The following ASTN2 variants were observed in gnomAD, a reference collection of about 807,000 sequenced individuals.
The protein encoded by ASTN2 is astrotactin 2.
In ASTN2, 54 loss-of-function variants were observed where a neutral mutation model predicts 139.8. That is an observed-to-expected ratio of 0.39 (90% CI 0.31 to 0.48). The LOEUF (loss-of-function observed/expected upper bound fraction) is 0.48, where lower values mean the gene tolerates loss of function less well. Among genes scored for constraint, ASTN2 ranks in the 20% least tolerant of loss-of-function variants. ASTN2 has a pLI of 0.95. For synonymous variants in ASTN2, 756 were observed against 719.5 expected (o/e 1.05, Z -0.81); for missense variants, 1,565 against 1,725.1 (o/e 0.91, Z 1.64).
At chr9:117,322,946 A>G (rs1828380926) in intron 1 of ASTN2, among the ~76,000 whole-genome samples, 1 of 152,186 alleles carries the variant, frequency 6.6e-6, no homozygotes, top group African/African-American at 2.4e-5. Flanking sequence ...CGGGGCTGAA[A>G]TAAGAACAAT....
chr9:117,193,650 A>AAG (rs1554789070), intron 3 of ASTN2, among the ~76,000 whole-genome samples: 1 of 151,528 alleles, frequency 6.6e-6, no homozygotes, highest in Non-Finnish European at 1.5e-5. Context: ...AAAAAAAAAA[A>AAG]AAAAAAGAAA....
In ASTN2 at chr9:116,699,752, C is replaced by A; in HGVS notation, c.2806+26019G>T. Reference sequence around the variant, plus strand: ...TTCTGCTCCCAAGCCAACTTCCCTTCCCTTAGTTCTTGGTTGTTAGTGGCA... The same window carrying A: ...TTCTGCTCCCAAGCCAACTTCCCTTACCTTAGTTCTTGGTTGTTAGTGGCA... On this transcript the variant is annotated intron_variant, in intron 16 of 22. Coordinates refer to ENST00000313400, the MANE Select transcript of ASTN2 (RefSeq NM_001365068.1). This position sits in a 1 kb window ranked among gnomAD's most constrained non-coding sequence, Gnocchi z 4.2. 1 of 1,613,590 alleles carries A rather than the reference C, an allele frequency of 6.2e-7. No homozygotes were observed. The highest frequency in any genetic ancestry group is 1.1e-5 in the South Asian group (1 of 90,990).
intron 10 of ASTN2, among the ~76,000 whole-genome samples, chr9:116,966,837 AAC>A (rs1836024882): frequency 6.6e-6 from 1 of 152,174 alleles, no homozygotes; most frequent in Non-Finnish European, 1.5e-5. Flanking sequence ...TTGCATAAAG[AAC>A]ACACACACTT....
intron 3 of ASTN2, among the ~76,000 whole-genome samples, chr9:117,184,741 A>C (rs966564847): frequency 2.0e-5 from 3 of 152,108 alleles, no homozygotes; most frequent in Admixed American, 6.5e-5. Context: ...GCTTCCACTG[A>C]TTTTAATGTA....
At chr9:117,035,219 C>T (rs1004548096) in intron 6 of ASTN2, among the ~76,000 whole-genome samples, 3 of 152,142 alleles carry the variant, frequency 2.0e-5, no homozygotes, top group Non-Finnish European at 2.9e-5. Flanking sequence ...TTGCACTTGA[C>T]ATGAGCTGCC....
intron 6 of ASTN2, among the ~76,000 whole-genome samples, chr9:117,018,218 T>C (rs1192937586): frequency 6.6e-6 from 1 of 152,096 alleles, no homozygotes; most frequent in Admixed American, 6.6e-5. Context: ...GCTGAGTAAA[T>C]TAACAAATGA....
chr9:117,010,278 A>G (rs1837481692), intron 6 of ASTN2, among the ~76,000 whole-genome samples: 2 of 152,190 alleles, frequency 1.3e-5, no homozygotes, highest in Admixed American at 6.5e-5. Context: ...AAGCCCAAGC[A>G]GAAACATGTC....
At chr9:116,497,746 G>A (rs1336462624) in intron 19 of ASTN2, among the ~76,000 whole-genome samples, 1 of 152,066 alleles carries the variant, frequency 6.6e-6, no homozygotes, top group African/African-American at 2.4e-5. Flanking sequence ...GATGAAGGAA[G>A]GCCAAGTTCT....
In ASTN2 at chr9:116,698,052, G is replaced by A; in HGVS notation, c.2806+27719C>T. 1 of 1,613,986 alleles carries A rather than the reference G, an allele frequency of 6.2e-7. No homozygotes were observed. The highest frequency in any genetic ancestry group is 8.5e-7 in the Non-Finnish European group (1 of 1,180,032). On this transcript the variant is annotated intron_variant, in intron 16 of 22. Coordinates refer to ENST00000313400, the MANE Select transcript of ASTN2 (RefSeq NM_001365068.1). This position sits in a 1 kb window ranked among gnomAD's most constrained non-coding sequence, Gnocchi z 4.4. ...GGGGCTGCTCATGTGTCGGTCCTGT[G>A]GGCGGCGTCTGCCCCGGCAATTCTG...
chr9:117,113,065 A>C (rs1357624705), intron 4 of ASTN2, among the ~76,000 whole-genome samples: 19 of 152,202 alleles, frequency 1.2e-4, no homozygotes, highest in Non-Finnish European at 1.0e-4. Context: ...AGAATGGCTA[A>C]ATTTTAAAAA....
rs1362977286 is a variant in ASTN2 at position 116,700,636 on chromosome 9, G to T, written c.2806+25135C>A. On this transcript the variant is annotated intron_variant, in intron 16 of 22. Transcript: ENST00000313400. ...TTCATGTTCATTACTAAAACAAACA[G>T]CAAAACTATTGGTTTGTTATTCTGT... 3 of 166,962 alleles carry T rather than the reference G, an allele frequency of 1.8e-5. No individual in the cohort carries two copies. The Admixed American group carries it at 2.0e-4, about 11-fold the overall frequency. The allele number at this position is 166,962 out of a possible 1,614,324, so 10.3% of individuals were successfully genotyped here.
chr9:117,189,079 T>C (rs1311386557), intron 3 of ASTN2, among the ~76,000 whole-genome samples: 1 of 152,040 alleles, frequency 6.6e-6, no homozygotes, highest in African/African-American at 2.4e-5. Context: ...ACCTCCCAGA[T>C]AGGAGACTCC....
intron 3 of ASTN2, among the ~76,000 whole-genome samples, chr9:117,172,392 C>A (rs1297288224): frequency 6.6e-6 from 1 of 152,040 alleles, no homozygotes. Flanking sequence ...ATATGTTGGT[C>A]TGGGTGGTGG....
chr9:116,810,521 A>C (rs538552333), intron 12 of ASTN2, among the ~76,000 whole-genome samples: 1 of 152,322 alleles, frequency 6.6e-6, no homozygotes, highest in South Asian at 2.1e-4. Context: ...AAATAGGATC[A>C]GTTTTTCATT....
chr9:116,842,631 A>C (rs1832295788), intron 11 of ASTN2, among the ~76,000 whole-genome samples: 1 of 151,928 alleles, frequency 6.6e-6, no homozygotes, highest in African/African-American at 2.4e-5. Flanking sequence ...GATTTGGATC[A>C]ATCAAGATCC....
At chr9:117,146,214 C>G (rs548944187) in intron 3 of ASTN2, among the ~76,000 whole-genome samples, 30 of 152,218 alleles carry the variant, frequency 2.0e-4, no homozygotes, top group Middle Eastern at 3.4e-3. Flanking sequence ...TCCTGGTACC[C>G]GCTGAGCTCT....
chr9:117,223,710 T>C (rs1454914019), intron 2 of ASTN2, among the ~76,000 whole-genome samples: 5 of 152,236 alleles, frequency 3.3e-5, no homozygotes, highest in African/African-American at 1.2e-4. Flanking sequence ...AGAATTTGCA[T>C]GTATACATGT....
chr9:117,197,979 G>A (rs902736334), intron 3 of ASTN2, among the ~76,000 whole-genome samples: 3 of 137,750 alleles, frequency 2.2e-5, no homozygotes, highest in Non-Finnish European at 5.0e-5. Flanking sequence ...TTTTTCTTCT[G>A]GCTGTTTTTA....
At chr9:117,010,802 A>G (rs1379195555) in intron 6 of ASTN2, among the ~76,000 whole-genome samples, 1 of 152,138 alleles carries the variant, frequency 6.6e-6, no homozygotes, top group African/African-American at 2.4e-5. Context: ...AGCTGATCCC[A>G]TGGGGAGATC....
Sources: gnomAD v4.1 joint callset for allele counts (sites outside exome capture counted in the v4.1 genomes callset) on GRCh38, gnomAD v4.1.1 for gene constraint, Gnocchi (gnomAD v3.1) non-coding constraint, MANE v1.5 for transcripts, NCBI Gene and HGNC (gene_info 2026-07-23, HGNC 2026-07-21) for gene names.